SCN9A: variants seen among roughly 807,000 people sequenced by gnomAD.
SCN9A encodes the protein sodium channel protein type 9 subunit alpha.
Under a neutral mutation model 187.0 loss-of-function variants are expected in SCN9A, and 131 were observed. That is an observed-to-expected ratio of 0.70 (90% CI 0.61 to 0.81). The LOEUF (loss-of-function observed/expected upper bound fraction) is 0.81, where lower values mean the gene tolerates loss of function less well. Ranked by LOEUF, SCN9A falls within the 30% of genes least tolerant of loss-of-function variation. The pLI is 0.00. For missense variants in SCN9A, 2,252 were observed against 2,396.6 expected (o/e 0.94, Z 1.26); for synonymous variants, 809 against 808.6 (o/e 1.00, Z -0.01).
chr2:166,246,560 C>T (rs1227730125), intron 18 of SCN9A, among the ~76,000 whole-genome samples: 5 of 151,494 alleles, frequency 3.3e-5, no homozygotes, highest in Admixed American at 1.3e-4. Flanking sequence ...CCAGAGAGAG[C>T]GAAAAAAATG....
In SCN9A at chr2:166,272,673, T is replaced by G; in HGVS notation, c.3077A>C (p.Gln1026Pro). The G allele has an allele frequency of 3.7e-6, 6 of 1,611,686 alleles. No individual in the cohort carries two copies. The highest frequency in any genetic ancestry group is 5.1e-6 in the Non-Finnish European group (6 of 1,178,804). The change falls in exon 17 of 27, where the codon CAA (glutamine) becomes CCA (proline). Residue 1026 changes from glutamine (Q) to proline (P), a missense_variant. Around this residue, in one of 7 missense-constraint regions of SCN9A, gnomAD observed 313 missense variants for 295.3 expected, o/e 1.06. Transcript: ENST00000642356. ...KKPKISREIR[Q>P]AEDLNTKKEN... ...CTTCTTAGTATTCAGATCTTCTGCT[T>G]GTCTTATCTCCCTGGAAATCTTTGG...
chr2:166,270,367 T>C (rs1274882455), intron 17 of SCN9A, among the ~76,000 whole-genome samples: 1 of 151,930 alleles, frequency 6.6e-6, no homozygotes, highest in African/African-American at 2.4e-5. Context: ...ATGGTAAACA[T>C]TGTGCCATTT....
At chr2:166,306,395 AC>A in intron 4 of SCN9A, 114 bp downstream of exon 4, 1 of 701,810 alleles carries the variant, frequency 1.4e-6, no homozygotes, top group South Asian at 1.6e-5. Context: ...CAAGCATATA[AC>A]ATGGGAAGGT....
chr2:166,331,847 T>G (rs1306288152), intron 1 of SCN9A, among the ~76,000 whole-genome samples: 1 of 152,208 alleles, frequency 6.6e-6, no homozygotes, highest in Admixed American at 6.5e-5. Flanking sequence ...ACTACTTTAA[T>G]ATAAAAAGTC....
chr2:166,371,269 G>C (rs1700555099), intron 1 of SCN9A, among the ~76,000 whole-genome samples: 1 of 152,166 alleles, frequency 6.6e-6, no homozygotes, highest in Admixed American at 6.5e-5. Flanking sequence ...AAAAGATATA[G>C]AATAATTCAG....
intron 24 of SCN9A, among the ~76,000 whole-genome samples, chr2:166,215,221 C>A (rs73017554): frequency 1.3e-5 from 2 of 151,568 alleles, no homozygotes; most frequent in Non-Finnish European, 2.9e-5. Context: ...AGAAATTATA[C>A]GGAAAAACAG....
chr2:166,327,495 T>C (rs1379031042), intron 1 of SCN9A, among the ~76,000 whole-genome samples: 1 of 152,182 alleles, frequency 6.6e-6, no homozygotes, highest in Non-Finnish European at 1.5e-5. Flanking sequence ...TATCTTGTTT[T>C]ATCTTACTCT....
Position 166,253,412 on chromosome 2 carries a change from G to A in SCN9A, c.3352-1527C>T, listed in dbSNP as rs941338701. On this transcript the variant is annotated intron_variant, in intron 17 of 26. Coordinates refer to ENST00000642356, the MANE Select transcript of SCN9A (RefSeq NM_001365536.1). The stretch of plus-strand genomic sequence containing the variant: ...CACTCAAAAACATGTTATTTAAACT[G>A]ATTGAATTCATCTAAATTAGTTTAA... Among the ~76,000 whole-genome samples the A allele has an allele frequency of 2.6e-5, 4 of 151,554 alleles. No individual in the cohort carries two copies. In the Admixed American group the frequency reaches 2.6e-4, roughly 10 times the overall value.
At position 166,319,003 on chromosome 2, in the gene SCN9A, T is replaced by A. The variant is rs562957866; in HGVS notation, c.-50-7197A>T. 2.6e-5 allele frequency among the ~76,000 whole-genome samples: 4 copies of A among 151,182 alleles called. No individual in the cohort carries two copies. The South Asian group carries it at 6.3e-4, about 24-fold the overall frequency. On this transcript the variant is annotated intron_variant, in intron 1 of 26. Coordinates refer to ENST00000642356, the MANE Select transcript of SCN9A (RefSeq NM_001365536.1). ...GTAATGGCAGAAAATTCACCAAGAG[T>A]CATCAAGCTAAAAGTACAAAAGAAG... is the stretch of plus-strand genomic sequence containing the variant.
intron 1 of SCN9A, among the ~76,000 whole-genome samples, chr2:166,357,626 T>C (rs1178799614): frequency 6.6e-6 from 1 of 152,180 alleles, no homozygotes; most frequent in Non-Finnish European, 1.5e-5. Flanking sequence ...TCCAAGAAGT[T>C]CACCACCTAT....
intron 1 of SCN9A, among the ~76,000 whole-genome samples, chr2:166,344,124 A>C (rs1041276890): frequency 6.6e-6 from 1 of 152,216 alleles, no homozygotes; most frequent in Non-Finnish European, 1.5e-5. Context: ...TCATATTCCA[A>C]TCAACTAAAC....
chr2:166,333,859 C>A (rs1427729781), intron 1 of SCN9A, among the ~76,000 whole-genome samples: 1 of 151,994 alleles, frequency 6.6e-6, no homozygotes, highest in Non-Finnish European at 1.5e-5. Flanking sequence ...TCAATACGGA[C>A]TTTTTCCCTG....
In SCN9A at chr2:166,371,166, G is replaced by A. The variant is rs553671701; in HGVS notation, c.-51+4531C>T. Reference sequence around the variant, plus strand: ...AAAATCTAAAGATAGTTCATCTCCTGTGTTAAAGAAACAACAACAACATAT... The same window carrying A: ...AAAATCTAAAGATAGTTCATCTCCTATGTTAAAGAAACAACAACAACATAT... On this transcript the variant is annotated intron_variant, in intron 1 of 26. Coordinates refer to ENST00000642356, the MANE Select transcript of SCN9A (RefSeq NM_001365536.1). Among the ~76,000 whole-genome samples, 4 of 152,262 alleles carry A rather than the reference G, an allele frequency of 2.6e-5. No homozygotes were observed. The East Asian group carries it at 7.7e-4, about 29-fold the overall frequency.
At chr2:166,202,124 TG>T (rs1318668046) in intron 26 of SCN9A, among the ~76,000 whole-genome samples, 1 of 151,842 alleles carries the variant, frequency 6.6e-6, no homozygotes. Context: ...ACCTATTTTT[TG>T]TCTTTCAACC....
chr2:166,276,892 A>G, intron 16 of SCN9A, 91 bp downstream of exon 16: 2 of 956,024 alleles, frequency 2.1e-6, no homozygotes, highest in East Asian at 6.2e-5. Context: ...TGTAGATATA[A>G]TTAATTATAA....
rs1459649894 is a variant in SCN9A, at chr2:166,272,473, G to A, written c.3277C>T (p.Pro1093Ser). 1.2e-6 allele frequency: 2 copies of A among 1,612,560 alleles called. No homozygotes were observed. The highest frequency in any genetic ancestry group is 1.7e-4 in the Middle Eastern group (1 of 6,048). The change falls in exon 17 of 27, where the codon CCT becomes TCT. Residue 1093 changes from proline (P) to serine (S), a missense_variant. This residue lies in a region of SCN9A where 313 missense variants were observed against 295.3 expected (regional missense o/e 1.06). Coordinates refer to ENST00000642356, the MANE Select transcript of SCN9A (RefSeq NM_001365536.1). ...ATATTTTCCAAATCGGATTCCCCAG[G>A]TGCAATTGGCACTGTCACTGTGAGG... is the stretch of plus-strand genomic sequence containing the variant. ...PSLTVTVPIA[P>S]GESDLENMNA...
chr2:166,235,048 A>C (rs1467316125), intron 20 of SCN9A, among the ~76,000 whole-genome samples: 2 of 152,128 alleles, frequency 1.3e-5, no homozygotes, highest in Non-Finnish European at 2.9e-5. Flanking sequence ...ACCAGCAAGA[A>C]AGTTCCCACC....
intron 1 of SCN9A, among the ~76,000 whole-genome samples, chr2:166,339,379 G>A (rs1049144979): frequency 2.0e-4 from 31 of 152,178 alleles, no homozygotes; most frequent in Non-Finnish European, 4.0e-4. Flanking sequence ...TTTATCAACA[G>A]CAACATAATT....
intron 1 of SCN9A, among the ~76,000 whole-genome samples, chr2:166,356,474 A>T (rs184015802): frequency 1.6e-4 from 24 of 152,320 alleles, no homozygotes; most frequent in African/African-American, 5.1e-4. Flanking sequence ...TCCAAATTGC[A>T]GGTTTATGAC....
Sources: allele counts gnomAD v4.1 joint callset (sites outside exome capture counted in the v4.1 genomes callset), GRCh38; gene constraint gnomAD v4.1.1; regional missense constraint gnomAD v4.1.1; transcripts MANE v1.5; gene names NCBI Gene and HGNC (gene_info 2026-07-23, HGNC 2026-07-21).